HIPK2: variants seen among roughly 807,000 people sequenced by gnomAD.
The protein encoded by HIPK2 is homeodomain interacting protein kinase 2, also known as homeodomain-interacting protein kinase 2.
HIPK2 carries 27 observed loss-of-function variants against 113.7 expected under a neutral mutation model. That is an observed-to-expected ratio of 0.24 (90% CI 0.17 to 0.33). The LOEUF (loss-of-function observed/expected upper bound fraction) is 0.33. Among genes scored for constraint, HIPK2 ranks in the 10% least tolerant of loss-of-function variants. The pLI, the probability that HIPK2 is intolerant of heterozygous loss-of-function variation, is 1.00. For missense variants in HIPK2, 1,257 were observed against 1,588.0 expected (o/e 0.79, Z 3.54); for synonymous variants, 631 against 642.2 (o/e 0.98, Z 0.26).
At chr7:139,707,140 A>G (rs1794924561) in intron 2 of HIPK2, among the ~76,000 whole-genome samples, 1 of 152,192 alleles carries the variant, frequency 6.6e-6, no homozygotes, top group African/African-American at 2.4e-5. Flanking sequence ...GCAGCCCAGA[A>G]TCATGGGGCT....
At chr7:139,748,874 A>T (rs1371669543) in intron 1 of HIPK2, among the ~76,000 whole-genome samples, 2 of 152,168 alleles carry the variant, frequency 1.3e-5, no homozygotes, top group Non-Finnish European at 2.9e-5. Context: ...TTCTATTAAT[A>T]TGAAAAGATT....
intron 2 of HIPK2, among the ~76,000 whole-genome samples, chr7:139,634,183 A>G (rs1028344838): frequency 1.3e-5 from 2 of 152,042 alleles, no homozygotes; most frequent in African/African-American, 4.8e-5. Context: ...ACGTGCTTCT[A>G]GAGTACCAGT....
At chr7:139,627,361 A>T (rs1306238274) in intron 5 of HIPK2, among the ~76,000 whole-genome samples, 1 of 151,594 alleles carries the variant, frequency 6.6e-6, no homozygotes, top group African/African-American at 2.4e-5. Flanking sequence ...CTTTAGAGGG[A>T]AGTGGAAGGG....
At chr7:139,745,665 C>A (rs1217313883) in intron 1 of HIPK2, among the ~76,000 whole-genome samples, 1 of 152,188 alleles carries the variant, frequency 6.6e-6, no homozygotes, top group African/African-American at 2.4e-5. Flanking sequence ...GACTATCATT[C>A]GCATTCCCCA....
intron 2 of HIPK2, among the ~76,000 whole-genome samples, chr7:139,677,112 C>T (rs1201706688): frequency 1.3e-5 from 2 of 151,924 alleles, no homozygotes; most frequent in Non-Finnish European, 2.9e-5. Context: ...CCACCCACCT[C>T]GGCCTTCCAA....
intron 2 of HIPK2, among the ~76,000 whole-genome samples, chr7:139,637,129 G>A (rs774226294): frequency 1.3e-5 from 2 of 152,136 alleles, no homozygotes; most frequent in Non-Finnish European, 2.9e-5. Flanking sequence ...CATCCCCCCT[G>A]CCGCAGCAGT....
chr7:139,683,958 T>TC lies in HIPK2; in HGVS notation c.1103+31973_1103+31974insG, dbSNP rs939607248. On this transcript the variant is annotated intron_variant, in intron 2 of 14. Transcript: ENST00000406875. The surrounding 1 kb of genome is among the most constrained non-coding windows in gnomAD (Gnocchi z 4.2). ...TGACTGAGCTTTGCAGATACCATGA[T>TC]TTTTTTTTTTTACACAAATTGAAGG... Among the ~76,000 whole-genome samples the TC allele has an allele frequency of 1.4e-5, 2 of 142,452 alleles. No homozygotes were observed. The highest frequency in any genetic ancestry group is 5.7e-5 in the African/African-American group (2 of 34,850). The allele number at this position is 142,452 out of a possible 152,430, so 93.5% of individuals were successfully genotyped here. A position where few individuals can be genotyped will look rare whatever the true frequency, so the allele number is the denominator to read the frequency against.
chr7:139,760,927 G>A (rs1327680286), intron 1 of HIPK2, among the ~76,000 whole-genome samples: 1 of 152,174 alleles, frequency 6.6e-6, no homozygotes, highest in Admixed American at 6.5e-5. Flanking sequence ...GATTATAGAA[G>A]TTCTGTCAAA....
At chr7:139,738,178 A>C (rs187708139) in intron 1 of HIPK2, among the ~76,000 whole-genome samples, 11 of 152,378 alleles carry the variant, frequency 7.2e-5, no homozygotes, top group Admixed American at 5.9e-4. Context: ...TGAGAACTCC[A>C]CCGGGTCAAC....
chr7:139,687,015 G>GT, intron 2 of HIPK2, among the ~76,000 whole-genome samples: 1 of 152,322 alleles, frequency 6.6e-6, no homozygotes, highest in South Asian at 2.1e-4. Context: ...TGACATCGAG[G>GT]TAAGACCCTC....
At chr7:139,612,159 G>A (rs1799854530) in intron 9 of HIPK2, among the ~76,000 whole-genome samples, 1 of 151,466 alleles carries the variant, frequency 6.6e-6, no homozygotes, top group African/African-American at 2.4e-5. Context: ...TGGAATAGAA[G>A]AGCACAGAAC....
chr7:139,660,534 C>T (rs1801831619), intron 2 of HIPK2, among the ~76,000 whole-genome samples: 1 of 152,238 alleles, frequency 6.6e-6, no homozygotes, highest in African/African-American at 2.4e-5. Flanking sequence ...GATCTGAGGT[C>T]AACCCAAAGG....
chr7:139,604,060 C>T (rs767452146), intron 10 of HIPK2, 21 bp downstream of exon 10: 20 of 1,613,620 alleles, frequency 1.2e-5, no homozygotes, highest in South Asian at 4.4e-5. Context: ...CCCACTCACC[C>T]TAGAGGGGTT....
rs55989071 is a variant in HIPK2, at chr7:139,608,252, CGTGTGTGTGT to C, written c.2113-4039_2113-4030del. Among the ~76,000 whole-genome samples the C allele has an allele frequency of 3.4e-3, 465 of 136,966 alleles. 3 individuals are homozygous for C. The highest frequency in any genetic ancestry group is 0.012 in the African/African-American group (435 of 36,702). 89.9% of individuals were successfully genotyped at this position (136,966 alleles called of 152,430 possible). A position where few individuals can be genotyped will look rare whatever the true frequency, so the allele number is the denominator to read the frequency against. Reference sequence around the variant, plus strand: ...AGCAAGGCTATGTCTCAAAAAAATACGTGTGTGTGTGTGTGTGTGTGTGTGTGTGTGTGTA... The same window carrying C: ...AGCAAGGCTATGTCTCAAAAAAATACGTGTGTGTGTGTGTGTGTGTGTGTA... On this transcript the variant is annotated intron_variant, in intron 9 of 14. Transcript: ENST00000406875.
At chr7:139,602,442 C>T (rs959294876) in intron 10 of HIPK2, among the ~76,000 whole-genome samples, 1 of 152,108 alleles carries the variant, frequency 6.6e-6, no homozygotes, top group Non-Finnish European at 1.5e-5. Flanking sequence ...TAGATGTCTC[C>T]TGTGGTCACT....
At position 139,562,689 on chromosome 7, in the gene HIPK2, TGGATGACAAGGGCCC is replaced by T. The variant is rs1797981141; in HGVS notation, c.*10223_*10237del. The T allele has an allele frequency of 6.6e-6, 1 of 152,094 alleles. No homozygotes were observed. The highest frequency in any genetic ancestry group is 1.5e-5 in the Non-Finnish European group (1 of 68,030). 9.4% of individuals were successfully genotyped at this position (152,094 alleles called of 1,614,324 possible). ...GCCTGCTGGCTCTGCCGTGGTGAGG[TGGATGACAAGGGCCC>T]GGCGCCACGCCTCAGCCCCATGTGT... On this transcript the variant is annotated 3_prime_UTR_variant, in exon 15 of 15. Coordinates refer to ENST00000406875, the MANE Select transcript of HIPK2 (RefSeq NM_022740.5).
intron 12 of HIPK2, among the ~76,000 whole-genome samples, chr7:139,595,997 C>T (rs1047887592): frequency 3.3e-5 from 5 of 152,122 alleles, no homozygotes; most frequent in African/African-American, 1.2e-4. Context: ...TCTACAAGGC[C>T]ACACTCTAGG....
Position 139,570,182 on chromosome 7 carries a change from A to T in HIPK2, c.*2745T>A, listed in dbSNP as rs1310106507. 6.6e-6 allele frequency: 1 copy of T among 152,014 alleles called. No individual in the cohort carries two copies. The highest frequency in any genetic ancestry group is 2.4e-5 in the African/African-American group (1 of 41,380). The allele number at this position is 152,014 out of a possible 1,614,324, so 9.4% of individuals were successfully genotyped here. On this transcript the variant is annotated 3_prime_UTR_variant, in exon 15 of 15. Coordinates refer to ENST00000406875, the MANE Select transcript of HIPK2 (RefSeq NM_022740.5). ...GCGAACTGAGGCTCATTTGCAGCCA[A>T]GACTTGGAACTCGGGATGAGACCTA...
In HIPK2 at chr7:139,753,080, G is replaced by T. The variant is rs546394092; in HGVS notation, c.19+24525C>A. Among the ~76,000 whole-genome samples, 22 of 152,322 alleles carry T rather than the reference G, an allele frequency of 1.4e-4. No homozygotes were observed. In the South Asian group the frequency reaches 3.9e-3, roughly 27 times the overall value. The stretch of plus-strand genomic sequence containing the variant: ...CTCCTGTCCCTCTTTACAGTAGTCA[G>T]ATGGGCATGGTTGTTTTCTATTCCA... On this transcript the variant is annotated intron_variant, in intron 1 of 14. Transcript: ENST00000406875.
Sources: allele counts gnomAD v4.1 joint callset (sites outside exome capture counted in the v4.1 genomes callset), GRCh38; gene constraint gnomAD v4.1.1; non-coding constraint Gnocchi (gnomAD v3.1); transcripts MANE v1.5; gene names NCBI Gene and HGNC (gene_info 2026-07-23, HGNC 2026-07-21).